Variants in TNS4 observed in about 807,000 individuals in gnomAD.
TNS4 encodes the protein tensin-4.
In TNS4, 46 loss-of-function variants were observed where a neutral mutation model predicts 70.4. That is an observed-to-expected ratio of 0.65 (90% CI 0.52 to 0.84). The LOEUF (loss-of-function observed/expected upper bound fraction) is 0.84. Among genes scored for constraint, TNS4 ranks in the 40% least tolerant of loss-of-function variants. The pLI, the probability that TNS4 is intolerant of heterozygous loss-of-function variation, is 0.00. For missense variants in TNS4, 863 were observed against 907.0 expected (o/e 0.95, Z 0.62); for synonymous variants, 390 against 366.6 (o/e 1.06, Z -0.73).
Position 40,487,427 on chromosome 17 carries a change from G to T in TNS4, c.897C>A (p.Ser299Arg). The change falls in exon 4 of 13, where the codon AGC becomes AGA. Residue 299 changes from serine (S) to arginine (R), a missense_variant. Transcript: ENST00000254051. ...CCAAGGATCTGGAAGATGACTGATG[G>T]CTGGAGTTGCTGGAGTGCAGGAGGG... ...SQSLLHSSNSSHQSSSRSLES... is the reference protein window; with the variant it reads ...SQSLLHSSNSRHQSSSRSLES... 1 of 1,611,926 alleles carries T rather than the reference G, an allele frequency of 6.2e-7. No homozygotes were observed.
intron 4 of TNS4, among the ~76,000 whole-genome samples, chr17:40,485,224 G>A (rs2035976075): frequency 6.6e-6 from 1 of 152,216 alleles, no homozygotes; most frequent in South Asian, 2.1e-4. Flanking sequence ...GAACTCAGAA[G>A]TGCCCTTGTA....
At chr17:40,499,432 G>A (rs1356118590) in intron 1 of TNS4, among the ~76,000 whole-genome samples, 2 of 152,204 alleles carry the variant, frequency 1.3e-5, no homozygotes, top group East Asian at 3.8e-4. Context: ...TGTCTGAGGA[G>A]TTTTGTCTGC....
At chr17:40,487,482 C>T in intron 3 of TNS4, 22 bp from the exon 4 acceptor site, 2 of 1,584,552 alleles carry the variant, frequency 1.3e-6, no homozygotes, top group Non-Finnish European at 8.6e-7. Context: ...GAGAGTCAGA[C>T]AGGGTGTTAG....
intron 10 of TNS4, among the ~76,000 whole-genome samples, chr17:40,479,444 G>A (rs1231422584): frequency 2.0e-5 from 3 of 152,212 alleles, no homozygotes; most frequent in Admixed American, 6.5e-5. Flanking sequence ...ACCGTGCCCG[G>A]CCCCCGTTAA....
chr17:40,484,300 G>A (rs889338268), intron 6 of TNS4, among the ~76,000 whole-genome samples, 184 bp downstream of exon 6: 6 of 152,194 alleles, frequency 3.9e-5, no homozygotes, highest in Admixed American at 6.5e-5. Flanking sequence ...TGTGAAAGGC[G>A]TTTTTCAGGG....
chr17:40,493,450 C>T lies in TNS4; in HGVS notation c.439+2537G>A, dbSNP rs182803442. Among the ~76,000 whole-genome samples, 292 of 152,298 alleles carry T rather than the reference C, an allele frequency of 1.9e-3. 4 individuals carry two copies. The highest frequency in any genetic ancestry group is 1.8e-3 in the Non-Finnish European group (122 of 68,032). On this transcript the variant is annotated intron_variant, in intron 2 of 12. Transcript: ENST00000254051. ...AGAGATTTGTCACCAGCAGTAGGGTCTGCGGGGAGGATTTTGGGTGCAGGT... is the reference window on the plus strand; with the variant it reads ...AGAGATTTGTCACCAGCAGTAGGGTTTGCGGGGAGGATTTTGGGTGCAGGT...
intron 2 of TNS4, among the ~76,000 whole-genome samples, chr17:40,491,745 G>A (rs1214766992): frequency 6.6e-6 from 1 of 152,196 alleles, no homozygotes; most frequent in Non-Finnish European, 1.5e-5. Context: ...CCATTGCAGG[G>A]GTGCAGTCGC....
rs757196053 is a variant in TNS4 at position 40,487,241 on chromosome 17, G to C, written c.1083C>G (p.Cys361Trp). The C allele has an allele frequency of 8.7e-6, 14 of 1,614,210 alleles. No individual in the cohort carries two copies. The highest frequency in any genetic ancestry group is 1.2e-5 in the Non-Finnish European group (14 of 1,180,026). Residue 361 changes from cysteine (C) to tryptophan (W), a missense_variant, in exon 4 of 13, where the codon TGC becomes TGG. Cys to Trp is a radical substitution (Grantham distance 215, BLOSUM62 -2). Coordinates refer to ENST00000254051, the MANE Select transcript of TNS4 (RefSeq NM_032865.6). The stretch of plus-strand genomic sequence containing the variant: ...CCATGGAGTTGGTGATGGATGGGGG[G>C]CAGCTGCTGGCATGTTCTTTGGCCA... The part of the protein sequence containing the change: ...PPLAKEHASS[C>W]PPSITNSMVD...
At chr17:40,485,114 T>G (rs2035974473) in intron 4 of TNS4, 107 bp from the exon 5 acceptor site, 1 of 945,718 alleles carries the variant, frequency 1.1e-6, no homozygotes, top group Admixed American at 2.2e-5. Context: ...GCCCCAAGGT[T>G]TCATTCAACC....
chr17:40,478,308 A>G lies in TNS4; in HGVS notation c.2005T>C (p.Trp669Arg). The change falls in exon 12 of 13, where the codon TGG (tryptophan) becomes CGG (arginine). Residue 669 changes from tryptophan (W) to arginine (R), a missense_variant and splice_region_variant. Trp to Arg is a moderately radical substitution (Grantham distance 101). Coordinates refer to ENST00000254051, the MANE Select transcript of TNS4 (RefSeq NM_032865.6). ...RKWQKYCKPS[W>R]IFGFVAKSQT... ...GGCCCTGAGACAGGAAGGCCTTACC[A>G]GGAGGGTTTGCAGTACTTCTGCCAC... 1 of 1,612,058 alleles carries G rather than the reference A, an allele frequency of 6.2e-7. No individual in the cohort carries two copies. The highest frequency in any genetic ancestry group is 8.5e-7 in the Non-Finnish European group (1 of 1,179,406).
intron 8 of TNS4, among the ~76,000 whole-genome samples, chr17:40,481,308 T>G (rs2143785426): frequency 6.6e-6 from 1 of 152,320 alleles, no homozygotes; most frequent in African/African-American, 2.4e-5. Flanking sequence ...ACGTAACATC[T>G]AGAACCCTCG....
chr17:40,487,541 T>G, intron 3 of TNS4, 81 bp from the exon 4 acceptor site: 1 of 1,463,080 alleles, frequency 6.8e-7, no homozygotes, highest in Admixed American at 2.1e-5. Flanking sequence ...TCTGGTGATC[T>G]GGGTTCCCAT....
chr17:40,500,882 A>G (rs2036206042), intron 1 of TNS4, among the ~76,000 whole-genome samples: 2 of 142,194 alleles, frequency 1.4e-5, no homozygotes. Flanking sequence ...CCCATCTCCC[A>G]GTCCTGTCTA....
Position 40,480,677 on chromosome 17 carries a change from G to A in TNS4, c.1741+23C>T, listed in dbSNP as rs749020397. ...CTCTTGGGGCACAGCCAAGCTTGGC[G>A]CCTCCCTTCCTGTACCACTCACCCG... is the stretch of plus-strand genomic sequence containing the variant. On this transcript the variant is annotated intron_variant, in intron 9 of 12. Transcript: ENST00000254051. The A allele has an allele frequency of 1.4e-5, 21 of 1,498,200 alleles. No homozygotes were observed. In the African/African-American group the frequency reaches 1.9e-4, roughly 14 times the overall value. The allele number at this position is 1,498,200 out of a possible 1,614,324, so 92.8% of individuals were successfully genotyped here. A position where few individuals can be genotyped will look rare whatever the true frequency, so the allele number is the denominator to read the frequency against.
Position 40,476,600 on chromosome 17 carries a change from T to C in TNS4, c.*988A>G, listed in dbSNP as rs9894892. The C allele has an allele frequency of 0.25, 38,386 of 151,912 alleles. 7,043 individuals carry two copies. The highest frequency in any genetic ancestry group is 0.52 in the African/African-American group (21,584 of 41,342). 9.4% of individuals were successfully genotyped at this position (151,912 alleles called of 1,614,324 possible). The stretch of plus-strand genomic sequence containing the variant: ...TGGAAAGAAGCTGGGCTGGGTGGCT[T>C]GCGCCTGTAATCCCAGCACTTTGGG... On this transcript the variant is annotated 3_prime_UTR_variant, in exon 13 of 13. Coordinates refer to ENST00000254051, the MANE Select transcript of TNS4 (RefSeq NM_032865.6).
chr17:40,498,687 A>G (rs2036174794), intron 1 of TNS4, among the ~76,000 whole-genome samples: 1 of 152,060 alleles, frequency 6.6e-6, no homozygotes, highest in South Asian at 2.1e-4. Flanking sequence ...CCTCCCGAGT[A>G]GCTGGGACTA....
rs2035840439 is a variant in TNS4 at position 40,475,882 on chromosome 17, G to C, written c.*1706C>G. On this transcript the variant is annotated 3_prime_UTR_variant, in exon 13 of 13. Coordinates refer to ENST00000254051, the MANE Select transcript of TNS4 (RefSeq NM_032865.6). The stretch of plus-strand genomic sequence containing the variant: ...TTTTCATGATAGGAGCTGTAGCAGA[G>C]TATATGGGGGCCTCTGCCAGCCCCC... 6.6e-6 allele frequency: 1 copy of C among 152,244 alleles called. No individual in the cohort carries two copies. The highest frequency in any genetic ancestry group is 1.5e-5 in the Non-Finnish European group (1 of 68,068). 9.4% of individuals were successfully genotyped at this position (152,244 alleles called of 1,614,324 possible).
At chr17:40,479,314 A>G (rs1170212191) in intron 10 of TNS4, among the ~76,000 whole-genome samples, 1 of 151,826 alleles carries the variant, frequency 6.6e-6, no homozygotes, top group Non-Finnish European at 1.5e-5. Flanking sequence ...TGCCCGGCTA[A>G]TTTTGTATTT....
intron 2 of TNS4, among the ~76,000 whole-genome samples, chr17:40,495,712 C>CT (rs1330363765): frequency 2.0e-5 from 3 of 152,132 alleles, no homozygotes; most frequent in African/African-American, 7.2e-5. Context: ...GCACAAAACA[C>CT]TTTCCATAGG....
Sources: gnomAD v4.1 joint callset for allele counts (sites outside exome capture counted in the v4.1 genomes callset) on GRCh38, gnomAD v4.1.1 for gene constraint, MANE v1.5 for transcripts, NCBI Gene and HGNC (gene_info 2026-07-23, HGNC 2026-07-21) for gene names.